DLC1: variants seen among roughly 807,000 people sequenced by gnomAD.
The protein encoded by DLC1 is DLC1 Rho GTPase activating protein, also known as rho GTPase-activating protein 7.
DLC1 carries 54 observed loss-of-function variants against 140.3 expected under a neutral mutation model. The ratio of observed to expected loss-of-function variants is 0.38; its 90% CI spans 0.31 to 0.48. The LOEUF (loss-of-function observed/expected upper bound fraction) is 0.48, where lower values mean the gene tolerates loss of function less well. Among genes scored for constraint, DLC1 ranks in the 20% least tolerant of loss-of-function variants. The pLI, the probability that DLC1 is intolerant of heterozygous loss-of-function variation, is 0.96. For missense variants in DLC1, 2,536 were observed against 1,907.0 expected, an observed-to-expected ratio of 1.33 and a Z score of -6.14; for synonymous variants, 986 against 728.1, an observed-to-expected ratio of 1.35 and a Z score of -5.70.
chr8:13,573,155 T>A (rs1158466116), intron 1 of DLC1, among the ~76,000 whole-genome samples: 1 of 152,234 alleles, frequency 6.6e-6, no homozygotes. Flanking sequence ...TGTTTTGTGA[T>A]CTTTACCATG....
At chr8:13,370,023 C>T (rs77847518) in intron 4 of DLC1, among the ~76,000 whole-genome samples, 10,618 of 150,810 alleles carry the variant, frequency 0.07, 435 homozygotes, top group South Asian at 0.11. Context: ...GAAGAATGAC[C>T]TCCTGTGGCT....
chr8:13,253,314 G>C (rs1171894351), intron 5 of DLC1, among the ~76,000 whole-genome samples: 6 of 152,212 alleles, frequency 3.9e-5, no homozygotes, highest in African/African-American at 1.4e-4. Flanking sequence ...ACAGATGTCA[G>C]AGAGTAACAA....
intron 1 of DLC1, among the ~76,000 whole-genome samples, chr8:13,602,182 C>T (rs529502991): frequency 5.9e-5 from 9 of 151,692 alleles, no homozygotes; most frequent in Middle Eastern, 3.4e-3. Flanking sequence ...CAGCAAAATC[C>T]AGAAAGAAAA....
At chr8:13,149,860 G>C (rs1823683427) in intron 5 of DLC1, among the ~76,000 whole-genome samples, 1 of 152,226 alleles carries the variant, frequency 6.6e-6, no homozygotes, top group Admixed American at 6.5e-5. Context: ...CCTCTTGTTT[G>C]CACTGGGTTG....
In DLC1 at chr8:13,085,685, A is replaced by G. The variant is rs921181158; in HGVS notation, c.*126T>C. 7.0e-7 allele frequency: 1 copy of G among 1,438,156 alleles called. No homozygotes were observed. Among genetic ancestry groups the G allele is most frequent in the Admixed American group, 2.2e-5 (1 of 45,634 alleles). 89.1% of individuals were successfully genotyped at this position (1,438,156 alleles called of 1,614,324 possible). On this transcript the variant is annotated 3_prime_UTR_variant, in exon 18 of 18. Transcript: ENST00000276297. The stretch of plus-strand genomic sequence containing the variant: ...AAAATGTATCAAATTGCTATAGTCA[A>G]TTCCTACACTCCAGCTTGTAGTTTT...
At chr8:13,159,154 T>C (rs970411995) in intron 5 of DLC1, among the ~76,000 whole-genome samples, 2 of 152,182 alleles carry the variant, frequency 1.3e-5, no homozygotes, top group Non-Finnish European at 2.9e-5. Context: ...TTTAGGCCTC[T>C]AAATCAAATA....
At chr8:13,542,565 G>C (rs991428588) in intron 1 of DLC1, among the ~76,000 whole-genome samples, 1 of 151,828 alleles carries the variant, frequency 6.6e-6, no homozygotes, top group African/African-American at 2.4e-5. Flanking sequence ...AGAAAGTCTT[G>C]GATTTTGATC....
chr8:13,132,297 C>G (rs1048881204), intron 5 of DLC1, among the ~76,000 whole-genome samples: 4 of 151,650 alleles, frequency 2.6e-5, no homozygotes, highest in African/African-American at 9.7e-5. Context: ...TACCCCAACA[C>G]TCTCCAGGTA....
Position 13,387,399 on chromosome 8 carries a change from T to C in DLC1, c.1314+6154A>G, listed in dbSNP as rs1453108894. 4.6e-5 allele frequency among the ~76,000 whole-genome samples: 7 copies of C among 152,090 alleles called. No homozygotes were observed. The South Asian group carries it at 8.3e-4, about 18-fold the overall frequency. On this transcript the variant is annotated intron_variant, in intron 4 of 17. Transcript: ENST00000276297. Reference sequence around the variant, plus strand: ...AGCAAACATATAGTATATGATAACATGGTAAAACAAAATAAAGCTATCACT... The same window carrying C: ...AGCAAACATATAGTATATGATAACACGGTAAAACAAAATAAAGCTATCACT...
At chr8:13,555,064 T>C (rs1803993850) in intron 1 of DLC1, among the ~76,000 whole-genome samples, 1 of 152,226 alleles carries the variant, frequency 6.6e-6, no homozygotes, top group Non-Finnish European at 1.5e-5. Flanking sequence ...GCTGTTCTCT[T>C]AGTCTGTAAC....
chr8:13,477,217 A>G (rs2117098577), intron 2 of DLC1, among the ~76,000 whole-genome samples: 1 of 152,340 alleles, frequency 6.6e-6, no homozygotes, highest in East Asian at 1.9e-4. Context: ...GATGAAAAAA[A>G]AAATACTAAT....
chr8:13,466,160 A>T (rs1799926587), intron 2 of DLC1, among the ~76,000 whole-genome samples: 1 of 152,146 alleles, frequency 6.6e-6, no homozygotes, highest in Non-Finnish European at 1.5e-5. Flanking sequence ...TACCAGTTAG[A>T]ACCCCCATGG....
At chr8:13,360,786 C>G (rs1271439849) in intron 4 of DLC1, among the ~76,000 whole-genome samples, 1 of 151,938 alleles carries the variant, frequency 6.6e-6, no homozygotes, top group Admixed American at 6.6e-5. Flanking sequence ...CATAATCTTA[C>G]TACCCACATA....
intron 2 of DLC1, among the ~76,000 whole-genome samples, chr8:13,497,486 G>C (rs768395973): frequency 6.6e-6 from 1 of 152,190 alleles, no homozygotes; most frequent in Non-Finnish European, 1.5e-5. Flanking sequence ...GAAAATTTAA[G>C]TTAGAACTTG....
At chr8:13,437,976 A>C (rs1450540685) in intron 2 of DLC1, among the ~76,000 whole-genome samples, 2 of 151,970 alleles carry the variant, frequency 1.3e-5, no homozygotes, top group East Asian at 3.9e-4. Context: ...AAGGGTCCCC[A>C]GGAAGAATGA....
At chr8:13,467,123 G>A (rs988888794) in intron 2 of DLC1, among the ~76,000 whole-genome samples, 1 of 152,046 alleles carries the variant, frequency 6.6e-6, no homozygotes, top group Non-Finnish European at 1.5e-5. Flanking sequence ...TACAGTTCCT[G>A]TTGTTTTTGA....
chr8:13,252,167 A>T (rs1830035176), intron 5 of DLC1, among the ~76,000 whole-genome samples: 1 of 152,220 alleles, frequency 6.6e-6, no homozygotes, highest in African/African-American at 2.4e-5. Context: ...TTAAATAAAA[A>T]GTCCTTGATT....
chr8:13,283,728 T>C (rs1285394771), intron 5 of DLC1, among the ~76,000 whole-genome samples: 1 of 152,148 alleles, frequency 6.6e-6, no homozygotes, highest in Non-Finnish European at 1.5e-5. Context: ...TTGCCCAGGA[T>C]GGCCTCAAAC....
chr8:13,463,808 T>C (rs1025068409), intron 2 of DLC1, among the ~76,000 whole-genome samples: 3 of 152,170 alleles, frequency 2.0e-5, no homozygotes, highest in Admixed American at 6.5e-5. Context: ...CCTAGAGAGT[T>C]TCTGTTAGGG....
Sources: allele counts gnomAD v4.1 joint callset (sites outside exome capture counted in the v4.1 genomes callset), GRCh38; gene constraint gnomAD v4.1.1; transcripts MANE v1.5; gene names NCBI Gene and HGNC (gene_info 2026-07-23, HGNC 2026-07-21).